The following GRIP1 variants were observed in gnomAD, a reference collection of about 807,000 sequenced individuals.
GRIP1 encodes the protein glutamate receptor interacting protein 1, also known as glutamate receptor-interacting protein 1.
A neutral mutation model predicts 129.9 loss-of-function variants in GRIP1; 45 were observed. That is an observed-to-expected ratio of 0.35 (90% CI 0.27 to 0.44). The LOEUF is 0.44. Among genes scored for constraint, GRIP1 ranks in the 20% least tolerant of loss-of-function variants. The pLI, the probability that GRIP1 is intolerant of heterozygous loss-of-function variation, is 1.00. For synonymous variants in GRIP1, 530 were observed against 520.8 expected (o/e 1.02, Z -0.24); for missense variants, 1,196 against 1,396.8 (o/e 0.86, Z 2.29).
Position 66,355,879 on chromosome 12 carries a change from G to A in GRIP1, c.3013-2316C>T, listed in dbSNP as rs1018231769. On this transcript the variant is annotated intron_variant, in intron 23 of 24. Transcript: ENST00000359742. ...TATGAGGCTGAGGATCAACCATGATGTCCTGTGCCTTTATGAATCATTGCA... is the reference window on the plus strand; with the variant it reads ...TATGAGGCTGAGGATCAACCATGATATCCTGTGCCTTTATGAATCATTGCA... 3.9e-5 allele frequency among the ~76,000 whole-genome samples: 6 copies of A among 152,214 alleles called. No homozygotes were observed. In the East Asian group the frequency reaches 1.2e-3, roughly 29 times the overall value.
chr12:67,043,847 G>T lies in GRIP1; in HGVS notation c.58+25203C>A, dbSNP rs190244910. Among the ~76,000 whole-genome samples, 22 of 152,068 alleles carry T rather than the reference G, an allele frequency of 1.4e-4. No homozygotes were observed. In the East Asian group the frequency reaches 3.7e-3, roughly 25 times the overall value. On this transcript the variant is annotated intron_variant, in intron 1 of 1. Transcript: ENST00000643019. ...ATGCTGAGATATTTGCATTTGTACAGAAGATTTGAAACTTGAAGTTTATTT... is the reference window on the plus strand; with the variant it reads ...ATGCTGAGATATTTGCATTTGTACATAAGATTTGAAACTTGAAGTTTATTT...
intron 7 of GRIP1, among the ~76,000 whole-genome samples, chr12:66,474,183 T>C (rs983975413): frequency 2.6e-5 from 4 of 151,924 alleles, no homozygotes; most frequent in Non-Finnish European, 5.9e-5. Flanking sequence ...TTGTGAAGCA[T>C]ACGGAAGTAT....
chr12:66,682,795 C>G (rs11615419), upstream of GRIP1, among the ~76,000 whole-genome samples: 1 of 152,048 alleles, frequency 6.6e-6, no homozygotes, highest in South Asian at 2.1e-4. Flanking sequence ...GTTAATCCCA[C>G]AAATACTCAA....
At chr12:66,569,516 C>T (rs557105413) in intron 2 of GRIP1, among the ~76,000 whole-genome samples, 8 of 152,152 alleles carry the variant, frequency 5.3e-5, no homozygotes, top group Admixed American at 1.3e-4. Flanking sequence ...AAGTTTTGGA[C>T]ACTAGGAACA....
At chr12:66,883,317 A>AAATTATTT (rs1312420958) in intron 1 of GRIP1, among the ~76,000 whole-genome samples, 1 of 152,112 alleles carries the variant, frequency 6.6e-6, no homozygotes, top group Non-Finnish European at 1.5e-5. Flanking sequence ...ACTAGATTAT[A>AAATTATTT]AATTATTTGA....
chr12:66,571,869 G>A (rs995565007), intron 2 of GRIP1, among the ~76,000 whole-genome samples: 6 of 152,204 alleles, frequency 3.9e-5, no homozygotes, highest in Non-Finnish European at 8.8e-5. Flanking sequence ...CTCGGAGTTA[G>A]GTATGGGCAT....
At chr12:66,923,542 C>A (rs187447314) in intron 1 of GRIP1, among the ~76,000 whole-genome samples, 1 of 152,252 alleles carries the variant, frequency 6.6e-6, no homozygotes, top group Admixed American at 6.5e-5. Flanking sequence ...TTATCTACCC[C>A]CACTCAAATC....
intron 13 of GRIP1, among the ~76,000 whole-genome samples, chr12:66,442,229 CA>C (rs1367509866): frequency 7.9e-5 from 12 of 152,150 alleles, no homozygotes; most frequent in African/African-American, 2.4e-4. Flanking sequence ...ACTCCATCAC[CA>C]AATCCAAACC....
At chr12:66,747,921 G>T (rs939095365) in intron 1 of GRIP1, among the ~76,000 whole-genome samples, 1 of 152,128 alleles carries the variant, frequency 6.6e-6, no homozygotes, top group African/African-American at 2.4e-5. Flanking sequence ...TATAAGGAAA[G>T]AATACATTAT....
chr12:66,582,132 T>C (rs2063411222), intron 2 of GRIP1, among the ~76,000 whole-genome samples: 1 of 151,942 alleles, frequency 6.6e-6, no homozygotes, highest in African/African-American at 2.4e-5. Flanking sequence ...ATCCAGCATA[T>C]AAACAGAACC....
At chr12:66,596,483 T>C (rs1219600593) in intron 2 of GRIP1, among the ~76,000 whole-genome samples, 1 of 152,192 alleles carries the variant, frequency 6.6e-6, no homozygotes. Context: ...GTTGCGGCAA[T>C]TGTGAATCCC....
upstream of GRIP1, chr12:67,069,247 C>G (rs983343214): frequency 3.9e-5 from 12 of 309,964 alleles, no homozygotes; most frequent in Non-Finnish European, 5.6e-5. Context: ...CGAGGCGGCT[C>G]CCGGGCACAT....
At chr12:66,737,826 G>A (rs996021731) in intron 1 of GRIP1, among the ~76,000 whole-genome samples, 2 of 152,168 alleles carry the variant, frequency 1.3e-5, no homozygotes, top group Admixed American at 6.5e-5. Context: ...GAATAAGGCA[G>A]ACCGATGTTA....
At chr12:67,039,736 C>T (rs1781307178) in intron 1 of GRIP1, among the ~76,000 whole-genome samples, 1 of 152,076 alleles carries the variant, frequency 6.6e-6, no homozygotes, top group Admixed American at 6.5e-5. Flanking sequence ...CTTTAAGCAC[C>T]AAAACATCTT....
intron 16 of GRIP1, among the ~76,000 whole-genome samples, chr12:66,401,678 T>C (rs2057008538): frequency 6.8e-6 from 1 of 147,762 alleles, no homozygotes; most frequent in Non-Finnish European, 1.5e-5. Flanking sequence ...CTTTAATCCT[T>C]AAAACAGCCA....
chr12:66,813,824 T>C (rs977630618), intron 1 of GRIP1, among the ~76,000 whole-genome samples: 5 of 152,162 alleles, frequency 3.3e-5, no homozygotes, highest in African/African-American at 1.2e-4. Flanking sequence ...CTATTCCACA[T>C]GCATTAGGAG....
intron 7 of GRIP1, among the ~76,000 whole-genome samples, chr12:66,484,986 A>G (rs1229040379): frequency 6.6e-6 from 1 of 152,176 alleles, no homozygotes; most frequent in Admixed American, 6.5e-5. Context: ...TATTGCTGCT[A>G]TGAACATTCT....
At chr12:66,502,842 T>C (rs2060427805) in intron 7 of GRIP1, among the ~76,000 whole-genome samples, 1 of 152,308 alleles carries the variant, frequency 6.6e-6, no homozygotes, top group Non-Finnish European at 1.5e-5. Flanking sequence ...TATTTCTTTA[T>C]AGCAATGCAA....
At chr12:66,646,830 G>A (rs2032411048) in intron 1 of GRIP1, among the ~76,000 whole-genome samples, 1 of 152,172 alleles carries the variant, frequency 6.6e-6, no homozygotes. Flanking sequence ...GAAGAGGTGA[G>A]TGCTGAAAGG....
Sources: gnomAD v4.1 joint callset for allele counts (sites outside exome capture counted in the v4.1 genomes callset) on GRCh38, gnomAD v4.1.1 for gene constraint, MANE v1.5 for transcripts, NCBI Gene and HGNC (gene_info 2026-07-23, HGNC 2026-07-21) for gene names.